Variants in NRXN1 observed in about 807,000 individuals in gnomAD.
NRXN1 encodes the protein neurexin 1, also known as neurexin-1.
A neutral mutation model predicts 150.9 loss-of-function variants in NRXN1; 39 were observed. The ratio of observed to expected loss-of-function variants is 0.26; its 90% CI spans 0.20 to 0.34. The LOEUF (loss-of-function observed/expected upper bound fraction) is 0.34, where lower values mean the gene tolerates loss of function less well. Among genes scored for constraint, NRXN1 ranks in the 10% least tolerant of loss-of-function variants. NRXN1 has a pLI of 1.00. For missense variants in NRXN1, 1,815 were observed against 1,949.9 expected (o/e 0.93, Z 1.30); for synonymous variants, 924 against 757.0 (o/e 1.22, Z -3.62).
At chr2:50,030,163 AAGGTTAGAC>A (rs2152566945) in intron 21 of NRXN1, among the ~76,000 whole-genome samples, 1 of 152,226 alleles carries the variant, frequency 6.6e-6, no homozygotes, top group African/African-American at 2.4e-5. Flanking sequence ...AGCTTGACTA[AAGGTTAGAC>A]AGGTTGCTTC....
chr2:50,596,375 T>A (rs1207539602), intron 8 of NRXN1, among the ~76,000 whole-genome samples: 1 of 152,266 alleles, frequency 6.6e-6, no homozygotes, highest in Non-Finnish European at 1.5e-5. Flanking sequence ...TAAAAATTGC[T>A]GTGTTTTGGA....
chr2:50,970,620 A>T (rs1694848991), intron 2 of NRXN1, among the ~76,000 whole-genome samples: 2 of 152,286 alleles, frequency 1.3e-5, no homozygotes, highest in South Asian at 2.1e-4. Context: ...TTGAATGTTA[A>T]TCACATTTTA....
intron 17 of NRXN1, among the ~76,000 whole-genome samples, chr2:50,316,925 G>A (rs575324359): frequency 1.4e-3 from 207 of 151,798 alleles, no homozygotes; most frequent in African/African-American, 4.7e-3. Flanking sequence ...TTTTTATGTC[G>A]TCCAACCTCA....
At chr2:50,792,180 T>G (rs775516077) in intron 5 of NRXN1, among the ~76,000 whole-genome samples, 4 of 152,134 alleles carry the variant, frequency 2.6e-5, no homozygotes, top group African/African-American at 4.8e-5. Flanking sequence ...TATGTAAAGC[T>G]AGAATTATGT....
At chr2:50,825,111 T>C (rs566748876) in intron 5 of NRXN1, among the ~76,000 whole-genome samples, 28 of 152,302 alleles carry the variant, frequency 1.8e-4, no homozygotes, top group African/African-American at 6.7e-4. Context: ...GTTTATTCAT[T>C]TGGCAAAATA....
intron 5 of NRXN1, among the ~76,000 whole-genome samples, chr2:50,889,260 T>C (rs1680706642): frequency 6.6e-6 from 1 of 151,744 alleles, no homozygotes; most frequent in South Asian, 2.1e-4. Context: ...TGACTTTCCA[T>C]CAGACGGGAA....
chr2:50,670,175 T>G (rs1051749174), intron 5 of NRXN1, among the ~76,000 whole-genome samples: 39 of 151,858 alleles, frequency 2.6e-4, no homozygotes, highest in African/African-American at 8.9e-4. Context: ...CTTTTCTCAC[T>G]CTGCTATATT....
intron 17 of NRXN1, among the ~76,000 whole-genome samples, chr2:50,281,672 T>C (rs1033915141): frequency 6.6e-6 from 1 of 152,118 alleles, no homozygotes; most frequent in Non-Finnish European, 1.5e-5. Flanking sequence ...TCAAAGATGA[T>C]AAACTGTTCC....
intron 18 of NRXN1, among the ~76,000 whole-genome samples, chr2:50,211,106 A>C (rs947817197): frequency 6.6e-6 from 1 of 151,614 alleles, no homozygotes; most frequent in African/African-American, 2.4e-5. Context: ...AAAAATTTAA[A>C]AGTGGCCACT....
At chr2:50,134,512 G>C (rs1706080587) in intron 18 of NRXN1, among the ~76,000 whole-genome samples, 1 of 152,064 alleles carries the variant, frequency 6.6e-6, no homozygotes, top group Non-Finnish European at 1.5e-5. Context: ...ACCATGCTTT[G>C]GGAAGATGTT....
At chr2:50,211,619 G>T (rs1339632373) in intron 18 of NRXN1, among the ~76,000 whole-genome samples, 1 of 151,234 alleles carries the variant, frequency 6.6e-6, no homozygotes, top group Non-Finnish European at 1.5e-5. Context: ...ATTTCATATA[G>T]GTAAACTTGA....
At chr2:50,410,613 T>C (rs2083079538) in intron 17 of NRXN1, among the ~76,000 whole-genome samples, 1 of 152,060 alleles carries the variant, frequency 6.6e-6, no homozygotes, top group Non-Finnish European at 1.5e-5. Flanking sequence ...GAAAGTAAAC[T>C]AAGATGAAAT....
intron 8 of NRXN1, among the ~76,000 whole-genome samples, chr2:50,562,329 C>CAATAGATA (rs143127810): frequency 1.4e-4 from 21 of 150,008 alleles, no homozygotes; most frequent in Non-Finnish European, 2.8e-4. Flanking sequence ...GATAGATATA[C>CAATAGATA]GATAGATAGA....
intron 2 of NRXN1, among the ~76,000 whole-genome samples, chr2:50,990,450 A>G (rs969183739): frequency 2.0e-5 from 3 of 152,046 alleles, no homozygotes; most frequent in Non-Finnish European, 2.9e-5. Context: ...AGAGAAGACT[A>G]TGCATAGTTA....
intron 15 of NRXN1, among the ~76,000 whole-genome samples, chr2:50,495,025 T>A (rs1386619143): frequency 1.3e-5 from 2 of 148,190 alleles, no homozygotes; most frequent in South Asian, 2.1e-4. Context: ...AGCAAGACTC[T>A]GTCTCCAAAA....
chr2:50,238,350 A>G (rs1241008766), intron 17 of NRXN1, among the ~76,000 whole-genome samples: 2 of 152,056 alleles, frequency 1.3e-5, no homozygotes, highest in South Asian at 2.1e-4. Context: ...AACCTGGACT[A>G]AAATCTACAT....
intron 5 of NRXN1, among the ~76,000 whole-genome samples, chr2:50,900,130 A>C (rs1682692048): frequency 6.6e-6 from 1 of 152,200 alleles, no homozygotes; most frequent in Non-Finnish European, 1.5e-5. Flanking sequence ...TAAAAGAAAT[A>C]ATATCTCCCC....
At chr2:50,822,478 C>T (rs1176754185) in intron 5 of NRXN1, among the ~76,000 whole-genome samples, 1 of 152,082 alleles carries the variant, frequency 6.6e-6, no homozygotes, top group Non-Finnish European at 1.5e-5. Context: ...ATATTCCACT[C>T]TTGAGAGATC....
At chr2:50,244,278 C>A (rs2066298864) in intron 17 of NRXN1, among the ~76,000 whole-genome samples, 2 of 151,806 alleles carry the variant, frequency 1.3e-5, no homozygotes, top group Non-Finnish European at 2.9e-5. Flanking sequence ...GCTGACCTAT[C>A]TTGTCAATAT....
Sources: gnomAD v4.1 joint callset for allele counts (sites outside exome capture counted in the v4.1 genomes callset) on GRCh38, gnomAD v4.1.1 for gene constraint, MANE v1.5 for transcripts, NCBI Gene and HGNC (gene_info 2026-07-23, HGNC 2026-07-21) for gene names.